SIGLEC11: variants seen among roughly 807,000 people sequenced by gnomAD.
The protein encoded by SIGLEC11 is sialic acid binding Ig like lectin 11, also known as sialic acid-binding Ig-like lectin 11.
Under a neutral mutation model 61.2 loss-of-function variants are expected in SIGLEC11, and 47 were observed. The ratio of observed to expected loss-of-function variants is 0.77; its 90% CI spans 0.61 to 0.98. SIGLEC11 has a LOEUF of 0.98. Among genes scored for constraint, SIGLEC11 ranks in the 50% least tolerant of loss-of-function variants. SIGLEC11 has a pLI of 0.00. For missense variants in SIGLEC11, 610 were observed against 870.3 expected, an observed-to-expected ratio of 0.70 and a Z score of 3.76; for synonymous variants, 278 against 373.1, an observed-to-expected ratio of 0.75 and a Z score of 2.94.
At chr19:49,952,193 T>C in intron 9 of SIGLEC11, 105 bp downstream of exon 9, 2 of 1,256,606 alleles carry the variant, frequency 1.6e-6, no homozygotes, top group South Asian at 2.7e-5. Flanking sequence ...CAAGGCCTAG[T>C]TCTCACACCC....
chr19:49,956,454 A>G (rs941866551), intron 8 of SIGLEC11, among the ~76,000 whole-genome samples: 2 of 152,144 alleles, frequency 1.3e-5, no homozygotes, highest in African/African-American at 4.8e-5. Flanking sequence ...TCTTTGTTGG[A>G]TCTGTAGGCC....
At position 49,960,293 on chromosome 19, in the gene SIGLEC11, C is replaced by A. The variant is rs771396816; in HGVS notation, c.589G>T (p.Ala197Ser). ...GGTCTGGTTCTTCTAGGGGAGAGGGCAGCCCCCGTCCAGGAGAAAGAAGGG... is the reference window on the plus strand; with the variant it reads ...GGTCTGGTTCTTCTAGGGGAGAGGGAAGCCCCCGTCCAGGAGAAAGAAGGG... ...PAPSFSWTGAALSPRRTRPST... is the reference protein window; with the variant it reads ...PAPSFSWTGASLSPRRTRPST... The change falls in exon 3 of 11, where the codon GCC (alanine) becomes TCC (serine). Residue 197 changes from alanine (A) to serine (S), a missense_variant. Coordinates refer to ENST00000447370, the MANE Select transcript of SIGLEC11 (RefSeq NM_052884.3). 9 of 1,601,728 alleles carry A rather than the reference C, an allele frequency of 5.6e-6. No homozygotes were observed. The Middle Eastern group carries it at 1.1e-3, about 192-fold the overall frequency.
chr19:49,960,971 C>T (rs994690758), intron 1 of SIGLEC11, 35 bp downstream of exon 1: 12 of 1,322,694 alleles, frequency 9.1e-6, no homozygotes, highest in East Asian at 2.5e-5. Context: ...CAGCCCCAGC[C>T]CCTGCCTGGG....
Position 49,958,276 on chromosome 19 carries a change from C to T in SIGLEC11, c.1651+7G>A, listed in dbSNP as rs762369177. The T allele has an allele frequency of 1.9e-6, 3 of 1,613,650 alleles. No homozygotes were observed. The highest frequency in any genetic ancestry group is 8.5e-7 in the Non-Finnish European group (1 of 1,179,896). ...CCCTGAACCTCAGCCCCCCACAGTC[C>T]CCTCACCTGGTAGCAGCTGGAAGAC... On this transcript the variant is annotated splice_region_variant and intron_variant, in intron 8 of 10. Coordinates refer to ENST00000447370, the MANE Select transcript of SIGLEC11 (RefSeq NM_052884.3).
rs772928619 is a variant in SIGLEC11, at chr19:49,958,788, C to T, written c.1218G>A (p.Trp406Ter). The T allele has an allele frequency of 1.2e-6, 2 of 1,613,604 alleles. No homozygotes were observed. The highest frequency in any genetic ancestry group is 3.3e-5 in the Admixed American group (2 of 59,970). Residue 406 changes from tryptophan to a stop codon, truncating the protein, a stop_gained, in exon 7 of 11, where the codon TGG (tryptophan) becomes TGA (stop). Coordinates refer to ENST00000447370, the MANE Select transcript of SIGLEC11 (RefSeq NM_052884.3). LOFTEE classifies it high-confidence loss of function. ...GCTGGGAGGGGCCCACGGTCTGTCC[C>T]CACCGGGTCCAGCTCAGCCTGGCTG... The part of the protein sequence containing the change: ...SPPARLSWTR[W>*]GQTVGPSQPS...
Position 49,952,331 on chromosome 19 carries a change from A to T in SIGLEC11, c.1715T>A (p.Leu572Gln). The T allele has an allele frequency of 6.2e-7, 1 of 1,612,014 alleles. No individual in the cohort carries two copies. The highest frequency in any genetic ancestry group is 8.5e-7 in the Non-Finnish European group (1 of 1,179,982). ...GAALGAGVAA[L>Q]LAFCSCLVVF... ...GACAAGGCAGGAACAGAAAGCGAGC[A>T]GGGCAGCGACGCCAGCTCCCAGGGC... Residue 572 changes from leucine to glutamine, a missense_variant, in exon 9 of 11, where the codon CTG becomes CAG. Physicochemically the swap from Leu to Gln is moderately radical, Grantham distance 113. Around this residue, in one of 6 missense-constraint regions of SIGLEC11, gnomAD observed 432 missense variants for 441.5 expected, o/e 0.98. Coordinates refer to ENST00000447370, the MANE Select transcript of SIGLEC11 (RefSeq NM_052884.3).
chr19:49,956,007 G>C (rs1043674936), intron 8 of SIGLEC11, among the ~76,000 whole-genome samples: 5 of 151,790 alleles, frequency 3.3e-5, no homozygotes, highest in Non-Finnish European at 7.4e-5. Flanking sequence ...TGTTACCAGA[G>C]CCCACTCCTT....
rs1292085753 is a variant in SIGLEC11, at chr19:49,949,845, A to G, written c.*125T>C. 1.8e-6 allele frequency: 2 copies of G among 1,093,576 alleles called. No individual in the cohort carries two copies. Among genetic ancestry groups the G allele is most frequent in the African/African-American group, 3.3e-5 (2 of 61,502 alleles). The allele number at this position is 1,093,576 out of a possible 1,614,324, so 67.7% of individuals were successfully genotyped here. A position where few individuals can be genotyped will look rare whatever the true frequency, so the allele number is the denominator to read the frequency against. ...GGACAGAGTCAGACCCTGTCTCAAA[A>G]AAAGTATAATCTTCAAACTCAAGCT... On this transcript the variant is annotated 3_prime_UTR_variant, in exon 11 of 11. Transcript: ENST00000447370.
chr19:49,952,276 T>C, intron 9 of SIGLEC11, 22 bp downstream of exon 9: 1 of 1,609,250 alleles, frequency 6.2e-7, no homozygotes. Flanking sequence ...ACACCCTGCA[T>C]TGCCTGCCCT....
intron 8 of SIGLEC11, among the ~76,000 whole-genome samples, 166 bp from the exon 9 acceptor site, chr19:49,952,560 G>C (rs1005570286): frequency 5.9e-5 from 9 of 152,056 alleles, no homozygotes; most frequent in Non-Finnish European, 1.2e-4. Flanking sequence ...GCAAGGAAAG[G>C]GTTAAAAAAA....
chr19:49,952,822 A>G (rs2076167625), intron 8 of SIGLEC11, among the ~76,000 whole-genome samples: 1 of 152,152 alleles, frequency 6.6e-6, no homozygotes, highest in African/African-American at 2.4e-5. Flanking sequence ...CTACAAGGCC[A>G]CCAGCTATGC....
In SIGLEC11 at chr19:49,958,859, C is replaced by G; in HGVS notation, c.1147G>C (p.Glu383Gln). ...LGNGTSLPVL[E>Q]GQSLRLVCVT... ...CAGACCAGGCGCAGGCTTTGGCCCT[C>G]CAGGACCGGGAGGGATGTGCCGTTC... is the stretch of plus-strand genomic sequence containing the variant. Residue 383 changes from glutamate (E) to glutamine (Q), a missense_variant, in exon 7 of 11, where the codon GAG (glutamate) becomes CAG (glutamine). Transcript: ENST00000447370. 6.2e-7 allele frequency: 1 copy of G among 1,606,204 alleles called. No homozygotes were observed.
intron 8 of SIGLEC11, among the ~76,000 whole-genome samples, chr19:49,954,534 G>A (rs2122890335): frequency 6.6e-6 from 1 of 152,276 alleles, no homozygotes. Context: ...CAGGTTCGGA[G>A]GTGGGGGGCA....
chr19:49,958,840 A>G lies in SIGLEC11; in HGVS notation c.1166T>C (p.Leu389Pro), dbSNP rs1190252144. 1 of 1,610,700 alleles carries G rather than the reference A, an allele frequency of 6.2e-7. No individual in the cohort carries two copies. The highest frequency in any genetic ancestry group is 1.3e-5 in the African/African-American group (1 of 74,832). ...GGGGCTGCTGTGGGTGACACAGACC[A>G]GGCGCAGGCTTTGGCCCTCCAGGAC... ...LPVLEGQSLRLVCVTHSSPPA... is the reference protein window; with the variant it reads ...LPVLEGQSLRPVCVTHSSPPA... Residue 389 changes from leucine to proline, a missense_variant, in exon 7 of 11, where the codon CTG (leucine) becomes CCG (proline). By Grantham distance (98) the Leu-to-Pro change is moderately conservative. Around this residue, in one of 6 missense-constraint regions of SIGLEC11, gnomAD observed 432 missense variants for 441.5 expected, o/e 0.98. Coordinates refer to ENST00000447370, the MANE Select transcript of SIGLEC11 (RefSeq NM_052884.3).
chr19:49,952,441 C>A, intron 8 of SIGLEC11, 47 bp from the exon 9 acceptor site: 1 of 1,411,376 alleles, frequency 7.1e-7, no homozygotes, highest in South Asian at 1.2e-5. Flanking sequence ...GCCCTGAGAC[C>A]CTCCTGCCCC....
rs752381142 is a variant in SIGLEC11 at position 49,960,899 on chromosome 19, A to G, written c.113T>C (p.Val38Ala). The G allele has an allele frequency of 2.6e-6, 4 of 1,527,684 alleles. No individual in the cohort carries two copies. In the East Asian group the frequency reaches 6.8e-5, roughly 26 times the overall value. The allele number at this position is 1,527,684 out of a possible 1,614,324, so 94.6% of individuals were successfully genotyped here. ...CTCCGGCACCGGCACCTGCCTCTGC[A>G]CTTGAAGACTGTAACTGGGATCCTT... is the stretch of plus-strand genomic sequence containing the variant. ...LNKDPSYSLQ[V>A]QRQVPVPEGL... Residue 38 changes from valine to alanine, a missense_variant, in exon 2 of 11, where the codon GTG (valine) becomes GCG (alanine). Coordinates refer to ENST00000447370, the MANE Select transcript of SIGLEC11 (RefSeq NM_052884.3).
rs1365757893 is a variant in SIGLEC11 at position 49,958,420 on chromosome 19, A to C, written c.1514T>G (p.Val505Gly). ...EGNSSQGSFE[V>G]TPSSAGPWAN... Reference sequence around the variant, plus strand: ...CCAGGGCCCGGCTGAGCTGGGGGTGACCTCGAAGGAGCCCTGACTGCTGTT... The same window carrying C: ...CCAGGGCCCGGCTGAGCTGGGGGTGCCCTCGAAGGAGCCCTGACTGCTGTT... The change falls in exon 8 of 11, where the codon GTC becomes GGC. Residue 505 changes from valine to glycine, a missense_variant. Val to Gly is a moderately radical substitution (Grantham distance 109). Coordinates refer to ENST00000447370, the MANE Select transcript of SIGLEC11 (RefSeq NM_052884.3). 1 of 1,613,800 alleles carries C rather than the reference A, an allele frequency of 6.2e-7. No homozygotes were observed. The highest frequency in any genetic ancestry group is 8.5e-7 in the Non-Finnish European group (1 of 1,179,994).
In SIGLEC11 at chr19:49,958,266, C is replaced by A. The variant is rs1278223628; in HGVS notation, c.1651+17G>T. 1 of 1,611,798 alleles carries A rather than the reference C, an allele frequency of 6.2e-7. No homozygotes were observed. The highest frequency in any genetic ancestry group is 2.2e-5 in the East Asian group (1 of 44,876). The stretch of plus-strand genomic sequence containing the variant: ...TCTCCTTTCTCCCTGAACCTCAGCC[C>A]CCCACAGTCCCCTCACCTGGTAGCA... On this transcript the variant is annotated intron_variant, in intron 8 of 10. Coordinates refer to ENST00000447370, the MANE Select transcript of SIGLEC11 (RefSeq NM_052884.3).
chr19:49,951,129 G>A lies in SIGLEC11; in HGVS notation c.1830+762C>T, dbSNP rs529254102. Among the ~76,000 whole-genome samples, 2 of 152,292 alleles carry A rather than the reference G, an allele frequency of 1.3e-5. No homozygotes were observed. Among genetic ancestry groups the A allele is most frequent in the African/African-American group, 4.8e-5 (2 of 41,568 alleles). On this transcript the variant is annotated intron_variant, in intron 10 of 10. Transcript: ENST00000447370. This position sits in a 1 kb window ranked among gnomAD's most constrained non-coding sequence, Gnocchi z 4.6. ...GTAGCATCAGTTTGGCTCTGCAGGG[G>A]CTGAGGAACTGAAGTCAGTGGCAAG...
Sources: allele counts gnomAD v4.1 joint callset (sites outside exome capture counted in the v4.1 genomes callset), GRCh38; gene constraint gnomAD v4.1.1; regional missense constraint gnomAD v4.1.1; non-coding constraint Gnocchi (gnomAD v3.1); transcripts MANE v1.5; gene names NCBI Gene and HGNC (gene_info 2026-07-23, HGNC 2026-07-21).